CDYL: variants seen among roughly 807,000 people sequenced by gnomAD.
CDYL encodes the protein chromodomain Y like, also known as chromodomain Y-like protein.
CDYL carries 8 observed loss-of-function variants against 47.3 expected under a neutral mutation model. The ratio of observed to expected loss-of-function variants is 0.17; its 90% CI spans 0.10 to 0.31. The LOEUF (loss-of-function observed/expected upper bound fraction) is 0.31, where lower values mean the gene tolerates loss of function less well. CDYL is among the 10% of genes least tolerant of loss of function. The pLI is 1.00. For missense variants in CDYL, 471 were observed against 701.4 expected, an observed-to-expected ratio of 0.67 and a Z score of 3.71; for synonymous variants, 266 against 265.0, an observed-to-expected ratio of 1.00 and a Z score of -0.04.
At chr6:4,832,989 G>A (rs1416645099) in intron 1 of CDYL, among the ~76,000 whole-genome samples, 2 of 151,766 alleles carry the variant, frequency 1.3e-5, no homozygotes, top group African/African-American at 4.8e-5. Context: ...CTTGCTAGCA[G>A]TCTATCAATT....
chr6:4,929,938 T>C (rs761320125), intron 2 of CDYL, among the ~76,000 whole-genome samples: 10 of 152,172 alleles, frequency 6.6e-5, no homozygotes, highest in African/African-American at 2.2e-4. Flanking sequence ...CTGGATTTTG[T>C]TGTATGCTTT....
intron 1 of CDYL, among the ~76,000 whole-genome samples, chr6:4,883,196 A>G (rs1761810353): frequency 6.6e-6 from 1 of 152,154 alleles, no homozygotes; most frequent in African/African-American, 2.4e-5. Context: ...GAGAGCAACA[A>G]TGCTAGTACC....
rs778986943 is a variant in CDYL, at chr6:4,892,331, G to A, written c.643G>A (p.Gly215Ser). Residue 215 changes from glycine to serine, a missense_variant, in exon 2 of 7, where the codon GGC becomes AGC. Physicochemically the swap from Gly to Ser is moderately conservative, Grantham distance 56. This residue lies in a region of CDYL where 311 missense variants were observed against 350.0 expected (regional missense o/e 0.89). Coordinates refer to ENST00000397588, the MANE Select transcript of CDYL (RefSeq NM_004824.4). ...RIHPLVPQVP[G>S]PVTAAMATGL... ...ACACCCACTAGTGCCTCAGGTGCCC[G>A]GCCCTGTGACTGCAGCCATGGCCAC... 22 of 1,613,688 alleles carry A rather than the reference G, an allele frequency of 1.4e-5. No homozygotes were observed. Among genetic ancestry groups the A allele is most frequent in the Middle Eastern group, 1.7e-4 (1 of 6,046 alleles).
intron 1 of CDYL, among the ~76,000 whole-genome samples, chr6:4,824,235 A>T (rs1303059442): frequency 6.6e-6 from 1 of 152,150 alleles, no homozygotes; most frequent in Non-Finnish European, 1.5e-5. Flanking sequence ...GGTATTTGGT[A>T]TATATGTCTA....
At chr6:4,914,227 C>G (rs1276981444) in intron 2 of CDYL, among the ~76,000 whole-genome samples, 1 of 140,686 alleles carries the variant, frequency 7.1e-6, no homozygotes, top group African/African-American at 2.6e-5. Context: ...TTTTTCCACA[C>G]TCTCCTTCCT....
intron 1 of CDYL, among the ~76,000 whole-genome samples, chr6:4,809,316 T>C (rs551482330): frequency 5.9e-5 from 9 of 152,374 alleles, no homozygotes; most frequent in African/African-American, 2.2e-4. Flanking sequence ...GGATGTACCA[T>C]AGTTTATTCA....
intron 1 of CDYL, among the ~76,000 whole-genome samples, chr6:4,855,207 T>G (rs1561671919): frequency 6.6e-6 from 1 of 152,206 alleles, no homozygotes; most frequent in African/African-American, 2.4e-5. Context: ...AGCCCAGTAT[T>G]TAACCCTTTG....
At chr6:4,788,587 G>A (rs1406171923) in intron 1 of CDYL, among the ~76,000 whole-genome samples, 3 of 150,960 alleles carry the variant, frequency 2.0e-5, no homozygotes, top group East Asian at 2.0e-4. Context: ...AAATAAGGAC[G>A]TCCCTAGGCC....
chr6:4,857,078 T>C (rs1199752531), intron 1 of CDYL, among the ~76,000 whole-genome samples: 2 of 152,228 alleles, frequency 1.3e-5, no homozygotes, highest in South Asian at 4.1e-4. Flanking sequence ...TTCAGTGTTA[T>C]AGTTTGTGGC....
chr6:4,846,213 A>G lies in CDYL; in HGVS notation c.25-45500A>G, dbSNP rs538314211. 6.7e-5 allele frequency among the ~76,000 whole-genome samples: 10 copies of G among 150,344 alleles called. No individual in the cohort carries two copies. The East Asian group carries it at 9.7e-4, about 15-fold the overall frequency. On this transcript the variant is annotated intron_variant, in intron 1 of 6. Transcript: ENST00000397588. ...AAAAAAAAAAAAGGTGGATATGGCT[A>G]TTTTTTCAGATGTTGTCTGGTTTTC...
At chr6:4,951,550 A>G (rs2127529927) in intron 5 of CDYL, among the ~76,000 whole-genome samples, 1 of 152,104 alleles carries the variant, frequency 6.6e-6, no homozygotes, top group East Asian at 1.9e-4. Flanking sequence ...ACCTAATGTT[A>G]GCTTTCTCCA....
chr6:4,722,354 T>C (rs1414883156), intron 2 of CDYL, among the ~76,000 whole-genome samples: 1 of 151,540 alleles, frequency 6.6e-6, no homozygotes, highest in Non-Finnish European at 1.5e-5. Flanking sequence ...AGGTAAAGAG[T>C]TCGAGACCAG....
chr6:4,867,081 C>G (rs1010141247), intron 1 of CDYL, among the ~76,000 whole-genome samples: 15 of 152,006 alleles, frequency 9.9e-5, no homozygotes, highest in African/African-American at 3.4e-4. Flanking sequence ...AGTGTTTCAT[C>G]GATAATTTCT....
rs143084572 is a variant in CDYL, at chr6:4,900,434, A to T, written c.691+8055A>T. Among the ~76,000 whole-genome samples, 44 of 152,146 alleles carry T rather than the reference A, an allele frequency of 2.9e-4. No individual in the cohort carries two copies. The East Asian group carries it at 8.0e-3, about 28-fold the overall frequency. On this transcript the variant is annotated intron_variant, in intron 2 of 6. Transcript: ENST00000397588. Reference sequence around the variant, plus strand: ...TTTCCCTCTCCTCTTTCTCCCCCATATATGTTTATACACACATACACATAT... The same window carrying T: ...TTTCCCTCTCCTCTTTCTCCCCCATTTATGTTTATACACACATACACATAT...
At chr6:4,733,508 T>C (rs558077073) in intron 2 of CDYL, among the ~76,000 whole-genome samples, 17 of 152,184 alleles carry the variant, frequency 1.1e-4, no homozygotes, top group African/African-American at 4.1e-4. Flanking sequence ...AAGACTAGTC[T>C]AAATTGTTTG....
chr6:4,945,994 G>A (rs530240042), intron 5 of CDYL, among the ~76,000 whole-genome samples: 9 of 152,350 alleles, frequency 5.9e-5, no homozygotes, highest in African/African-American at 1.7e-4. Flanking sequence ...TGTTGGAGCC[G>A]TCAGCGTGCT....
At chr6:4,714,303 G>A (rs1470708082) in intron 1 of CDYL, 4 of 152,154 alleles carry the variant, frequency 2.6e-5, no homozygotes, top group African/African-American at 7.2e-5. Flanking sequence ...GAAGATAAGA[G>A]ACAACATCAG....
chr6:4,925,738 G>A (rs1307366227), intron 2 of CDYL, among the ~76,000 whole-genome samples: 2 of 152,156 alleles, frequency 1.3e-5, no homozygotes, highest in Admixed American at 1.3e-4. Flanking sequence ...GCATGGATGA[G>A]TAGGTGAGAG....
intron 3 of CDYL, among the ~76,000 whole-genome samples, chr6:4,755,759 C>T (rs1044415968): frequency 2.6e-5 from 4 of 152,096 alleles, no homozygotes; most frequent in African/African-American, 9.7e-5. Flanking sequence ...CTTCACTTTA[C>T]CTATTAGGAA....
Sources: allele counts gnomAD v4.1 joint callset (sites outside exome capture counted in the v4.1 genomes callset), GRCh38; gene constraint gnomAD v4.1.1; regional missense constraint gnomAD v4.1.1; transcripts MANE v1.5; gene names NCBI Gene and HGNC (gene_info 2026-07-23, HGNC 2026-07-21).